TENM3: variants seen among roughly 807,000 people sequenced by gnomAD.
TENM3 encodes teneurin-3.
TENM3 carries 63 observed loss-of-function variants against 255.1 expected under a neutral mutation model. The observed-to-expected ratio is 0.25, with a 90% CI of 0.20 to 0.30. The LOEUF (loss-of-function observed/expected upper bound fraction) is 0.30. Among genes scored for constraint, TENM3 ranks in the 10% least tolerant of loss-of-function variants. The pLI is 1.00. For synonymous variants in TENM3, 1,306 were observed against 1,322.3 expected, an observed-to-expected ratio of 0.99 and a Z score of 0.27; for missense variants, 2,929 against 3,461.1, an observed-to-expected ratio of 0.85 and a Z score of 3.86.
chr4:181,940,123 C>T, the TENM3 span, among the ~76,000 whole-genome samples: 1 of 152,160 alleles, frequency 6.6e-6, no homozygotes, highest in Admixed American at 6.5e-5. Context: ...ATAATAATAA[C>T]TTTGAAGTAT....
At chr4:182,643,792 C>A (rs1752512525) in intron 5 of TENM3, among the ~76,000 whole-genome samples, 1 of 152,128 alleles carries the variant, frequency 6.6e-6, no homozygotes, top group Non-Finnish European at 1.5e-5. Flanking sequence ...GGAAGTGTAC[C>A]ACAGTGAATG....
intron 1 of TENM3, among the ~76,000 whole-genome samples, chr4:182,219,927 A>G (rs1755745513): frequency 6.6e-6 from 1 of 152,216 alleles, no homozygotes; most frequent in African/African-American, 2.4e-5. Context: ...AAAGCTGAAT[A>G]TTTAATATGC....
chr4:182,093,623 A>G, the TENM3 span, among the ~76,000 whole-genome samples: 2 of 152,194 alleles, frequency 1.3e-5, no homozygotes, highest in South Asian at 2.1e-4. Flanking sequence ...GCAGGAAAGC[A>G]TGATTCATTT....
the TENM3 span, among the ~76,000 whole-genome samples, chr4:182,016,614 C>T: frequency 5.3e-5 from 8 of 152,274 alleles, no homozygotes; most frequent in East Asian, 1.4e-3. Context: ...TTATGTCTCA[C>T]ATTCTCTATA....
At chr4:181,670,511 G>C in the TENM3 span, among the ~76,000 whole-genome samples, 2 of 152,178 alleles carry the variant, frequency 1.3e-5, no homozygotes, top group Non-Finnish European at 2.9e-5. Context: ...GAATCTTGTG[G>C]AACTAGAGAA....
rs1766730261 is a variant in TENM3, at chr4:182,799,375, A to C, written c.7345-221A>C. 6.6e-6 allele frequency among the ~76,000 whole-genome samples: 1 copy of C among 152,232 alleles called. No homozygotes were observed. The highest frequency in any genetic ancestry group is 2.4e-5 in the African/African-American group (1 of 41,472). On this transcript the variant is annotated intron_variant, in intron 27 of 27. Coordinates refer to ENST00000511685, the MANE Select transcript of TENM3 (RefSeq NM_001080477.4). This position sits in a 1 kb window ranked among gnomAD's most constrained non-coding sequence, Gnocchi z 4.2. ...AACGAAGAAAGCTTTAAAGTGATCC[A>C]CGATGAGTGAGCCATTTGGGGGTTC...
At chr4:181,577,097 ATTT>A in the TENM3 span, among the ~76,000 whole-genome samples, 2 of 113,734 alleles carry the variant, frequency 1.8e-5, no homozygotes, top group African/African-American at 7.9e-5. Flanking sequence ...TATAATATAT[ATTT>A]TATTATTATA....
chr4:181,701,543 TGGTTTGAAATAAATC>T, the TENM3 span, among the ~76,000 whole-genome samples: 3 of 151,050 alleles, frequency 2.0e-5, no homozygotes, highest in East Asian at 6.0e-4. Flanking sequence ...TTCAGTTGCC[TGGTTTGAAATAAATC>T]AGTTTCTCAG....
intron 11 of TENM3, among the ~76,000 whole-genome samples, chr4:182,682,531 A>G (rs1756254445): frequency 6.6e-6 from 1 of 152,236 alleles, no homozygotes; most frequent in Non-Finnish European, 1.5e-5. Context: ...TCATTCAATC[A>G]GCCAAGTTGT....
the TENM3 span, among the ~76,000 whole-genome samples, chr4:181,501,900 A>T: frequency 6.6e-6 from 1 of 152,116 alleles, no homozygotes; most frequent in South Asian, 2.1e-4. Flanking sequence ...GCGAGCCGGG[A>T]CATAAGTCAG....
the TENM3 span, among the ~76,000 whole-genome samples, chr4:181,696,676 A>G: frequency 6.6e-6 from 1 of 152,222 alleles, no homozygotes; most frequent in Non-Finnish European, 1.5e-5. Flanking sequence ...CTGGCCCATA[A>G]GACTGTACGC....
chr4:182,349,575 G>A (rs1362767487), intron 3 of TENM3, among the ~76,000 whole-genome samples: 2 of 151,964 alleles, frequency 1.3e-5, no homozygotes, highest in Non-Finnish European at 2.9e-5. Flanking sequence ...CCTTAAGCTG[G>A]GTTATAGTAA....
the TENM3 span, among the ~76,000 whole-genome samples, chr4:181,967,004 T>A: frequency 4.7e-4 from 71 of 151,600 alleles, no homozygotes; most frequent in African/African-American, 1.6e-3. Flanking sequence ...TCTCTCTCTC[T>A]CGCTCTCTCT....
At chr4:182,369,000 T>G (rs769780852) in intron 3 of TENM3, among the ~76,000 whole-genome samples, 32 of 152,186 alleles carry the variant, frequency 2.1e-4, no homozygotes, top group Non-Finnish European at 2.5e-4. Flanking sequence ...ATGAAACACT[T>G]TGTGTTCGCT....
the TENM3 span, among the ~76,000 whole-genome samples, chr4:181,629,042 G>T: frequency 2.6e-4 from 39 of 152,134 alleles, no homozygotes; most frequent in Non-Finnish European, 5.9e-5. Flanking sequence ...CCTTGAAGAG[G>T]TCCTTCACAT....
At chr4:181,867,655 T>A in the TENM3 span, among the ~76,000 whole-genome samples, 20 of 152,352 alleles carry the variant, frequency 1.3e-4, no homozygotes, top group African/African-American at 4.8e-4. Flanking sequence ...TTTATAGTTA[T>A]GTAGAAAAAT....
chr4:181,810,848 G>A, the TENM3 span, among the ~76,000 whole-genome samples: 9 of 152,214 alleles, frequency 5.9e-5, no homozygotes, highest in Middle Eastern at 3.4e-3. Flanking sequence ...AGCGGCAAGC[G>A]TTCCAGTGTG....
the TENM3 span, among the ~76,000 whole-genome samples, chr4:181,896,020 C>T: frequency 1.3e-5 from 2 of 152,180 alleles, no homozygotes; most frequent in South Asian, 4.1e-4. Flanking sequence ...CTGCTAATTG[C>T]TTTCTCTACT....
At chr4:182,432,146 G>T (rs1771705487) in intron 3 of TENM3, among the ~76,000 whole-genome samples, 1 of 151,722 alleles carries the variant, frequency 6.6e-6, no homozygotes, top group Non-Finnish European at 1.5e-5. Flanking sequence ...AAGAGAGAAA[G>T]AGATTAATGT....
Sources: gnomAD v4.1 joint callset for allele counts (sites outside exome capture counted in the v4.1 genomes callset) on GRCh38, gnomAD v4.1.1 for gene constraint, Gnocchi (gnomAD v3.1) non-coding constraint, MANE v1.5 for transcripts, NCBI Gene and HGNC (gene_info 2026-07-23, HGNC 2026-07-21) for gene names.